NEK11: variants seen among roughly 807,000 people sequenced by gnomAD.
NEK11 encodes the protein NIMA related kinase 11.
NEK11 carries 72 observed loss-of-function variants against 80.7 expected under a neutral mutation model. That is an observed-to-expected ratio of 0.89 (90% CI 0.74 to 1.08). The LOEUF (loss-of-function observed/expected upper bound fraction) is 1.08, where lower values mean the gene tolerates loss of function less well. Among genes scored for constraint, NEK11 ranks in the 50% least tolerant of loss-of-function variants. The pLI, the probability that NEK11 is intolerant of heterozygous loss-of-function variation, is 0.00. For missense variants in NEK11, 764 were observed against 763.6 expected, an observed-to-expected ratio of 1.00 and a Z score of -0.01; for synonymous variants, 251 against 260.7, an observed-to-expected ratio of 0.96 and a Z score of 0.36.
At chr3:131,067,239 T>C (rs1319456837) in intron 3 of NEK11, among the ~76,000 whole-genome samples, 1 of 152,228 alleles carries the variant, frequency 6.6e-6, no homozygotes, top group African/African-American at 2.4e-5. Context: ...AGGCTGTGCC[T>C]GTGACAAGTA....
chr3:131,196,093 T>A (rs2093999696), intron 14 of NEK11, among the ~76,000 whole-genome samples: 1 of 151,876 alleles, frequency 6.6e-6, no homozygotes, highest in Non-Finnish European at 1.5e-5. Flanking sequence ...TAGTACAATA[T>A]CTAGGTTCTA....
intron 14 of NEK11, among the ~76,000 whole-genome samples, chr3:131,194,289 G>A (rs1207318546): frequency 6.6e-6 from 1 of 152,114 alleles, no homozygotes; most frequent in Non-Finnish European, 1.5e-5. Context: ...AAAATTAGGT[G>A]TATTTGACAA....
At chr3:131,317,774 A>AAGG (rs1211307501) in intron 17 of NEK11, among the ~76,000 whole-genome samples, 3 of 108,892 alleles carry the variant, frequency 2.8e-5, no homozygotes, top group African/African-American at 7.8e-5. Flanking sequence ...GAAGAAGGAG[A>AAGG]AGGAGGAGGA....
At chr3:131,082,216 C>A (rs1560309716) in intron 4 of NEK11, among the ~76,000 whole-genome samples, 1 of 152,160 alleles carries the variant, frequency 6.6e-6, no homozygotes, top group East Asian at 1.9e-4. Flanking sequence ...AATATGTCAC[C>A]AATTCGTGCA....
chr3:131,167,466 C>CT (rs1560751208), intron 12 of NEK11, among the ~76,000 whole-genome samples: 1 of 152,038 alleles, frequency 6.6e-6, no homozygotes, highest in South Asian at 2.1e-4. Context: ...ATTTACTTAC[C>CT]TTTTTTGCTT....
chr3:131,057,894 G>T (rs892078234), intron 3 of NEK11, among the ~76,000 whole-genome samples: 56 of 152,272 alleles, frequency 3.7e-4, no homozygotes, highest in Admixed American at 2.2e-3. Context: ...TTAGTTTAAT[G>T]AGATCCCATT....
intron 4 of NEK11, among the ~76,000 whole-genome samples, chr3:131,081,640 T>A (rs953958374): frequency 6.6e-6 from 1 of 152,146 alleles, no homozygotes; most frequent in African/African-American, 2.4e-5. Flanking sequence ...GAAGCTAGGG[T>A]TAGCCAAATG....
chr3:131,086,063 A>G (rs2075941581), intron 4 of NEK11, among the ~76,000 whole-genome samples: 1 of 152,190 alleles, frequency 6.6e-6, no homozygotes. Context: ...CAATAGTAGT[A>G]TTGTATTCTT....
rs1250150773 is a variant in NEK11 at position 131,337,942 on chromosome 3, ATTTT to A, written c.1719-11610_1719-11607del. Reference sequence around the variant, plus strand: ...AATAGATATCAAGTGCTTGGCATAAATTTTTTTTCTTTTTTTTTGAAACGGAGTC... The same window carrying A: ...AATAGATATCAAGTGCTTGGCATAAATTTTCTTTTTTTTTGAAACGGAGTC... On this transcript the variant is annotated intron_variant, in intron 17 of 17. Coordinates refer to ENST00000383366, the MANE Select transcript of NEK11 (RefSeq NM_024800.5). Among the ~76,000 whole-genome samples the A allele has an allele frequency of 6.6e-5, 10 of 151,966 alleles. 1 individual carries two copies. The South Asian group carries it at 2.1e-3, about 32-fold the overall frequency.
intron 9 of NEK11, among the ~76,000 whole-genome samples, chr3:131,154,077 A>G (rs1435587162): frequency 6.6e-6 from 1 of 152,108 alleles, no homozygotes; most frequent in African/African-American, 2.4e-5. Flanking sequence ...TTCTTATGCA[A>G]GCATATGCTC....
chr3:131,300,383 A>G (rs2096647858), intron 17 of NEK11, among the ~76,000 whole-genome samples: 1 of 152,104 alleles, frequency 6.6e-6, no homozygotes, highest in African/African-American at 2.4e-5. Flanking sequence ...CTTTAATTTA[A>G]TTAAGTTTCA....
intron 16 of NEK11, among the ~76,000 whole-genome samples, chr3:131,244,581 G>A (rs948982574): frequency 3.9e-5 from 6 of 151,954 alleles, no homozygotes; most frequent in African/African-American, 1.2e-4. Flanking sequence ...TATTTTTCCA[G>A]AGTCTAACAC....
chr3:131,338,284 T>A (rs2110292840), intron 17 of NEK11, among the ~76,000 whole-genome samples: 1 of 149,146 alleles, frequency 6.7e-6, no homozygotes, highest in East Asian at 2.0e-4. Context: ...TTTTTTTTTT[T>A]TTTTTTTAAT....
chr3:131,208,695 G>T (rs1167375439), intron 14 of NEK11, among the ~76,000 whole-genome samples: 1 of 152,158 alleles, frequency 6.6e-6, no homozygotes, highest in Non-Finnish European at 1.5e-5. Context: ...TTGTAAGTTG[G>T]ATTCCTAGGT....
At chr3:131,303,625 G>T (rs2096686872) in intron 17 of NEK11, among the ~76,000 whole-genome samples, 1 of 152,220 alleles carries the variant, frequency 6.6e-6, no homozygotes, top group East Asian at 1.9e-4. Context: ...AGTTGGCTGG[G>T]TATGAAATTC....
intron 5 of NEK11, among the ~76,000 whole-genome samples, chr3:131,123,598 C>T (rs2082764923): frequency 6.6e-6 from 1 of 152,064 alleles, no homozygotes; most frequent in Admixed American, 6.6e-5. Flanking sequence ...ATGCCTTATT[C>T]TTAAAGTATC....
intron 17 of NEK11, among the ~76,000 whole-genome samples, chr3:131,314,130 A>AGTGT (rs143988468): frequency 0.021 from 3,091 of 149,316 alleles, 47 homozygotes; most frequent in East Asian, 0.086. Flanking sequence ...GGAGAAAAAG[A>AGTGT]GTGTGTGTGT....
chr3:131,064,161 AT>A (rs2148843219), intron 3 of NEK11, among the ~76,000 whole-genome samples: 2 of 152,298 alleles, frequency 1.3e-5, no homozygotes, highest in South Asian at 2.1e-4. Context: ...GCCAGGGGCT[AT>A]GGAGAGTGGG....
chr3:131,033,461 A>AGGGT (rs1335039341), intron 3 of NEK11, among the ~76,000 whole-genome samples: 1 of 152,174 alleles, frequency 6.6e-6, no homozygotes, highest in Non-Finnish European at 1.5e-5. Context: ...TTTTGAGCTC[A>AGGGT]TAAGGAAGGT....
Sources: allele counts gnomAD v4.1 joint callset (sites outside exome capture counted in the v4.1 genomes callset), GRCh38; gene constraint gnomAD v4.1.1; transcripts MANE v1.5; gene names NCBI Gene and HGNC (gene_info 2026-07-23, HGNC 2026-07-21).